CCDC91: variants seen among roughly 807,000 people sequenced by gnomAD.
CCDC91 encodes the protein coiled-coil domain-containing protein 91.
Under a neutral mutation model 63.2 loss-of-function variants are expected in CCDC91, and 48 were observed. That is an observed-to-expected ratio of 0.76 (90% CI 0.60 to 0.97). The LOEUF is 0.97. Ranked by LOEUF, CCDC91 falls within the 50% of genes least tolerant of loss-of-function variation. The pLI is 0.00. For synonymous variants in CCDC91, 167 were observed against 165.8 expected, an observed-to-expected ratio of 1.01 and a Z score of -0.06; for missense variants, 500 against 494.6, an observed-to-expected ratio of 1.01 and a Z score of -0.10.
intron 12 of CCDC91, among the ~76,000 whole-genome samples, chr12:28,493,958 A>G (rs1475211387): frequency 4.0e-5 from 6 of 151,694 alleles, no homozygotes; most frequent in African/African-American, 1.2e-4. Flanking sequence ...GCCCAATTTA[A>G]TAGGTTGGAG....
intron 1 of CCDC91, among the ~76,000 whole-genome samples, chr12:28,248,131 T>C (rs764936153): frequency 6.6e-6 from 1 of 152,022 alleles, no homozygotes; most frequent in Non-Finnish European, 1.5e-5. Flanking sequence ...GAGAGAGAAG[T>C]ATGAGGCAAA....
At chr12:28,204,392 ATTTAT>A (rs1242977377) in intron 1 of CCDC91, among the ~76,000 whole-genome samples, 1 of 152,176 alleles carries the variant, frequency 6.6e-6, no homozygotes, top group Non-Finnish European at 1.5e-5. Context: ...CCTGATATGC[ATTTAT>A]TTTGATTATT....
At chr12:28,429,399 T>C (rs2140057106) in intron 8 of CCDC91, among the ~76,000 whole-genome samples, 1 of 152,290 alleles carries the variant, frequency 6.6e-6, no homozygotes, top group African/African-American at 2.4e-5. Context: ...ATTTGAGGGC[T>C]TTCAATGTAC....
intron 8 of CCDC91, among the ~76,000 whole-genome samples, chr12:28,448,379 G>A (rs570121377): frequency 6.6e-6 from 1 of 152,234 alleles, no homozygotes; most frequent in African/African-American, 2.4e-5. Flanking sequence ...AAGTGAATCT[G>A]TGATTTTACT....
intron 6 of CCDC91, among the ~76,000 whole-genome samples, chr12:28,316,269 C>T (rs1484817964): frequency 2.0e-5 from 3 of 151,682 alleles, no homozygotes; most frequent in African/African-American, 7.3e-5. Context: ...TCTTTGCCTT[C>T]TACATTTGTC....
At chr12:28,524,683 T>A (rs1254127894) in intron 12 of CCDC91, among the ~76,000 whole-genome samples, 1 of 152,122 alleles carries the variant, frequency 6.6e-6, no homozygotes, top group East Asian at 1.9e-4. Context: ...TGGTAACAGT[T>A]CTTTTTTAAT....
intron 7 of CCDC91, among the ~76,000 whole-genome samples, chr12:28,386,025 A>G (rs1945577389): frequency 6.6e-6 from 1 of 152,148 alleles, no homozygotes; most frequent in Non-Finnish European, 1.5e-5. Flanking sequence ...AGTCCTTCAC[A>G]CTATTTACTC....
intron 1 of CCDC91, among the ~76,000 whole-genome samples, chr12:28,201,406 G>A (rs12864673): frequency 7.3e-6 from 1 of 137,534 alleles, no homozygotes; most frequent in Non-Finnish European, 1.7e-5. Flanking sequence ...CGGGGCAGAG[G>A]CTCTCCCCAC....
chr12:28,417,838 G>A (rs1190220215), intron 8 of CCDC91, among the ~76,000 whole-genome samples: 2 of 151,856 alleles, frequency 1.3e-5, no homozygotes, highest in African/African-American at 4.8e-5. Context: ...TTTTGAGTCT[G>A]GTTTCTGTTA....
chr12:28,309,636 C>T (rs999450353), intron 6 of CCDC91, among the ~76,000 whole-genome samples: 7 of 152,062 alleles, frequency 4.6e-5, no homozygotes, highest in African/African-American at 1.7e-4. Context: ...CTTCTTGAAC[C>T]AGTCTTAATA....
intron 8 of CCDC91, among the ~76,000 whole-genome samples, chr12:28,417,890 A>G (rs184840508): frequency 6.6e-6 from 1 of 152,052 alleles, no homozygotes; most frequent in Admixed American, 6.6e-5. Flanking sequence ...TTGTATATTT[A>G]TTCATAGTTT....
intron 7 of CCDC91, among the ~76,000 whole-genome samples, chr12:28,369,373 A>G (rs1944469643): frequency 6.6e-6 from 1 of 152,052 alleles, no homozygotes; most frequent in African/African-American, 2.4e-5. Flanking sequence ...ATCTCCTTTG[A>G]CTCCATGTCT....
intron 7 of CCDC91, among the ~76,000 whole-genome samples, chr12:28,383,775 A>T (rs1032391): frequency 3.3e-5 from 5 of 151,908 alleles, no homozygotes; most frequent in Non-Finnish European, 7.4e-5. Flanking sequence ...TTATATTCCA[A>T]CAAAATTTTC....
intron 8 of CCDC91, among the ~76,000 whole-genome samples, chr12:28,427,385 C>T (rs186654924): frequency 8.5e-5 from 13 of 152,202 alleles, no homozygotes; most frequent in African/African-American, 2.4e-4. Flanking sequence ...CTCTTCCCTT[C>T]GCCAGAACCA....
intron 7 of CCDC91, among the ~76,000 whole-genome samples, chr12:28,379,590 A>G (rs1158540785): frequency 6.6e-6 from 1 of 152,204 alleles, no homozygotes; most frequent in Non-Finnish European, 1.5e-5. Flanking sequence ...GAGAAATGCA[A>G]ATCAAAACCA....
At chr12:28,407,183 CCAAAAGGAGATG>C (rs1214567445) in intron 8 of CCDC91, among the ~76,000 whole-genome samples, 3 of 152,106 alleles carry the variant, frequency 2.0e-5, no homozygotes, top group Non-Finnish European at 4.4e-5. Context: ...GGCCTACTCC[CCAAAAGGAGATG>C]CTTCTGTGTT....
chr12:28,486,092 A>T (rs1192251101), intron 12 of CCDC91, among the ~76,000 whole-genome samples: 2 of 152,182 alleles, frequency 1.3e-5, no homozygotes, highest in Non-Finnish European at 2.9e-5. Context: ...GAACGTATTC[A>T]TCTTGCTTGA....
chr12:28,476,053 T>C (rs1951070044), intron 11 of CCDC91, among the ~76,000 whole-genome samples: 1 of 152,020 alleles, frequency 6.6e-6, no homozygotes, highest in Non-Finnish European at 1.5e-5. Context: ...GTATAGTTCA[T>C]TACCCCCAAA....
chr12:28,301,302 A>G (rs1299697481), intron 3 of CCDC91, among the ~76,000 whole-genome samples: 1 of 151,584 alleles, frequency 6.6e-6, no homozygotes, highest in Non-Finnish European at 1.5e-5. Flanking sequence ...TATCACGGGC[A>G]TTTCCAGAGT....
Sources: gnomAD v4.1 joint callset for allele counts (sites outside exome capture counted in the v4.1 genomes callset) on GRCh38, gnomAD v4.1.1 for gene constraint, MANE v1.5 for transcripts, NCBI Gene and HGNC (gene_info 2026-07-23, HGNC 2026-07-21) for gene names.